ATP2B2: variants seen among roughly 807,000 people sequenced by gnomAD.
The protein encoded by ATP2B2 is ATPase plasma membrane Ca2+ transporting 2, also known as plasma membrane calcium-transporting ATPase 2.
ATP2B2 carries 15 observed loss-of-function variants against 120.0 expected under a neutral mutation model. The observed-to-expected ratio is 0.12, with a 90% CI of 0.08 to 0.19. ATP2B2 has a LOEUF of 0.19. Among genes scored for constraint, ATP2B2 ranks in the 10% least tolerant of loss-of-function variants. The pLI is 1.00. For missense variants in ATP2B2, 1,045 were observed against 1,719.8 expected (o/e 0.61, Z 6.94); for synonymous variants, 694 against 700.3 (o/e 0.99, Z 0.14).
intron 1 of ATP2B2, among the ~76,000 whole-genome samples, chr3:10,491,893 C>T (rs149547200): frequency 1.1e-4 from 16 of 152,244 alleles, no homozygotes; most frequent in African/African-American, 2.9e-4. Context: ...AAAACTATGA[C>T]GTGCTGTCAA....
chr3:10,569,056 G>A (rs1007615892), intron 2 of ATP2B2, among the ~76,000 whole-genome samples: 20 of 152,136 alleles, frequency 1.3e-4, no homozygotes, highest in Admixed American at 2.6e-4. Context: ...ACGTGGTATC[G>A]CTGTTCACTT....
intron 2 of ATP2B2, among the ~76,000 whole-genome samples, chr3:10,588,733 G>C (rs58667109): frequency 0.14 from 21,004 of 152,070 alleles, 2,546 homozygotes; most frequent in African/African-American, 0.31. Context: ...ATTTCACGGA[G>C]TCTCTACCAC....
At chr3:10,619,434 T>C (rs1188730452) in intron 2 of ATP2B2, among the ~76,000 whole-genome samples, 1 of 152,076 alleles carries the variant, frequency 6.6e-6, no homozygotes, top group Non-Finnish European at 1.5e-5. Context: ...GAGATAGTAA[T>C]TGAAAAACCA....
At chr3:10,562,803 C>T (rs1182482690) in intron 2 of ATP2B2, among the ~76,000 whole-genome samples, 2 of 152,250 alleles carry the variant, frequency 1.3e-5, no homozygotes, top group East Asian at 1.9e-4. Context: ...AATGGGGATT[C>T]GTTAAATAAA....
chr3:10,338,765 T>G, intron 21 of ATP2B2: 1 of 308,364 alleles, frequency 3.2e-6, no homozygotes. Flanking sequence ...GGGGCCGCTC[T>G]GGGCATGGTG....
At position 10,359,921 on chromosome 3, in the gene ATP2B2, C is replaced by T. The variant is rs1391563891; in HGVS notation, c.1862G>A (p.Arg621His). 2.5e-6 allele frequency: 4 copies of T among 1,614,234 alleles called. No individual in the cohort carries two copies. The highest frequency in any genetic ancestry group is 1.1e-5 in the South Asian group (1 of 91,090). ...CTCAGAAGCCCCCTTGCTGTACATG[C>T]GGAAGCTCTCGTCGGGCAGCTTGAT... is the stretch of plus-strand genomic sequence containing the variant. ...TVIKLPDESF[R>H]MYSKGASEIV... Residue 621 changes from arginine (R) to histidine (H), a missense_variant, in exon 13 of 23, where the codon CGC (arginine) becomes CAC (histidine). This residue lies in a region of ATP2B2 where 343 missense variants were observed against 536.8 expected (regional missense o/e 0.64). Transcript: ENST00000360273.
At chr3:10,646,628 C>G (rs965469942) in intron 1 of ATP2B2, among the ~76,000 whole-genome samples, 6 of 152,160 alleles carry the variant, frequency 3.9e-5, no homozygotes, top group Admixed American at 3.9e-4. Flanking sequence ...CCTGGCGCCA[C>G]CCACCCAGCG....
At chr3:10,362,528 C>T (rs141320559) in intron 12 of ATP2B2, among the ~76,000 whole-genome samples, 26 of 152,332 alleles carry the variant, frequency 1.7e-4, no homozygotes, top group African/African-American at 5.5e-4. Context: ...GGAGCACATG[C>T]TTTCTAGCTC....
In ATP2B2 at chr3:10,326,076, G is replaced by C. The variant is rs2059852092; in HGVS notation, c.*2738C>G. 1 of 120,858 alleles carries C rather than the reference G, an allele frequency of 8.3e-6. No homozygotes were observed. Among genetic ancestry groups the C allele is most frequent in the Non-Finnish European group, 1.7e-5 (1 of 58,426 alleles). The allele number at this position is 120,858 out of a possible 1,614,324, so 7.5% of individuals were successfully genotyped here. A position where few individuals can be genotyped will look rare whatever the true frequency, so the allele number is the denominator to read the frequency against. On this transcript the variant is annotated 3_prime_UTR_variant, in exon 23 of 23. Transcript: ENST00000360273. ...ACCATTGCATAGTATTAAATGAACA[G>C]AGATGGTGAGTTCTTTATTTACATT...
At chr3:10,645,225 T>C (rs2125657103) in intron 1 of ATP2B2, among the ~76,000 whole-genome samples, 1 of 152,292 alleles carries the variant, frequency 6.6e-6, no homozygotes, top group South Asian at 2.1e-4. Context: ...GAGTTTGAAA[T>C]TATTGCTAAG....
Position 10,359,919 on chromosome 3 carries a change from T to C in ATP2B2, c.1864A>G (p.Met622Val). 6.2e-7 allele frequency: 1 copy of C among 1,614,240 alleles called. No individual in the cohort carries two copies. The highest frequency in any genetic ancestry group is 1.1e-5 in the South Asian group (1 of 91,088). Residue 622 changes from methionine to valine, a missense_variant, in exon 13 of 23, where the codon ATG becomes GTG. By Grantham distance (21) the Met-to-Val change is conservative. Around this residue, in one of 11 missense-constraint regions of ATP2B2, gnomAD observed 343 missense variants for 536.8 expected, o/e 0.64. Transcript: ENST00000360273. ...ATCTCAGAAGCCCCCTTGCTGTACA[T>C]GCGGAAGCTCTCGTCGGGCAGCTTG... ...VIKLPDESFRMYSKGASEIVL... is the reference protein window; with the variant it reads ...VIKLPDESFRVYSKGASEIVL...
chr3:10,540,887 G>C (rs529628173), intron 2 of ATP2B2, among the ~76,000 whole-genome samples: 1 of 151,136 alleles, frequency 6.6e-6, no homozygotes, highest in East Asian at 1.9e-4. Context: ...AAAACTACCT[G>C]GTCCTGGGGA....
chr3:10,589,022 C>T (rs1184177861), intron 2 of ATP2B2, among the ~76,000 whole-genome samples: 2 of 152,048 alleles, frequency 1.3e-5, no homozygotes, highest in African/African-American at 4.8e-5. Flanking sequence ...ACTGGGCGGG[C>T]GGCAAGAAGG....
intron 2 of ATP2B2, among the ~76,000 whole-genome samples, chr3:10,602,544 G>A (rs778715331): frequency 6.6e-6 from 1 of 152,174 alleles, no homozygotes; most frequent in Non-Finnish European, 1.5e-5. Context: ...CTCAGGCAGC[G>A]GCAGCGAGGT....
intron 2 of ATP2B2, among the ~76,000 whole-genome samples, chr3:10,598,281 T>G (rs1195447512): frequency 6.6e-6 from 1 of 152,180 alleles, no homozygotes; most frequent in Non-Finnish European, 1.5e-5. Context: ...GTCCCTGGGT[T>G]CAAATTCCAG....
chr3:10,692,523 G>T (rs2071683426), intron 1 of ATP2B2, among the ~76,000 whole-genome samples: 1 of 152,174 alleles, frequency 6.6e-6, no homozygotes, highest in Non-Finnish European at 1.5e-5. Flanking sequence ...GGTCTGAAAT[G>T]ATTCTCTTGG....
rs754404059 is a variant in ATP2B2 at position 10,340,734 on chromosome 3, A to G, written c.2918-30T>C. On this transcript the variant is annotated intron_variant, in intron 19 of 22. Coordinates refer to ENST00000360273, the MANE Select transcript of ATP2B2 (RefSeq NM_001001331.4). The surrounding 1 kb of genome is among the most constrained non-coding windows in gnomAD (Gnocchi z 5.0). Reference sequence around the variant, plus strand: ...CAAGTGAGAGAGTGGGGCTGGGCTGAAGGCAGTGGTGGGGGAATCAGAGGG... The same window carrying G: ...CAAGTGAGAGAGTGGGGCTGGGCTGGAGGCAGTGGTGGGGGAATCAGAGGG... The G allele has an allele frequency of 6.2e-7, 1 of 1,612,166 alleles. No homozygotes were observed.
At chr3:10,574,454 C>T (rs140412479) in intron 2 of ATP2B2, among the ~76,000 whole-genome samples, 67 of 152,286 alleles carry the variant, frequency 4.4e-4, no homozygotes, top group Admixed American at 1.2e-3. Flanking sequence ...GTCTGCCTGG[C>T]GTTCTCAGAG....
intron 1 of ATP2B2, among the ~76,000 whole-genome samples, chr3:10,501,474 G>A (rs1332787346): frequency 3.3e-5 from 5 of 151,134 alleles, no homozygotes; most frequent in African/African-American, 1.2e-4. Context: ...GGACTCAAGC[G>A]ATCCTCCCAC....
Sources: gnomAD v4.1 joint callset for allele counts (sites outside exome capture counted in the v4.1 genomes callset) on GRCh38, gnomAD v4.1.1 for gene constraint, gnomAD v4.1.1 regional missense constraint, Gnocchi (gnomAD v3.1) non-coding constraint, MANE v1.5 for transcripts, NCBI Gene and HGNC (gene_info 2026-07-23, HGNC 2026-07-21) for gene names.